The following CNGA1 variants were observed in gnomAD, a reference collection of about 807,000 sequenced individuals.
CNGA1 encodes cyclic nucleotide gated channel subunit alpha 1, also known as cyclic nucleotide-gated channel alpha-1.
CNGA1 carries 53 observed loss-of-function variants against 69.7 expected under a neutral mutation model. The observed-to-expected ratio is 0.76, with a 90% CI of 0.61 to 0.96. The LOEUF is 0.96. Ranked by LOEUF, CNGA1 falls within the 40% of genes least tolerant of loss-of-function variation. The pLI, the probability that CNGA1 is intolerant of heterozygous loss-of-function variation, is 0.00. For synonymous variants in CNGA1, 249 were observed against 283.5 expected, an observed-to-expected ratio of 0.88 and a Z score of 1.22; for missense variants, 739 against 811.2, an observed-to-expected ratio of 0.91 and a Z score of 1.08.
At chr4:47,988,034 G>A (rs974228825) in intron 2 of CNGA1, among the ~76,000 whole-genome samples, 2 of 152,214 alleles carry the variant, frequency 1.3e-5, no homozygotes, top group African/African-American at 2.4e-5. Context: ...AATTCATTCA[G>A]TGAGAGGTGA....
At chr4:47,943,835 G>A (rs1042473169) in intron 6 of CNGA1, among the ~76,000 whole-genome samples, 1 of 152,092 alleles carries the variant, frequency 6.6e-6, no homozygotes, top group Non-Finnish European at 1.5e-5. Context: ...TCTTTAGAGG[G>A]GATAACCCTG....
At chr4:47,966,094 G>A (rs1410493579) in intron 3 of CNGA1, among the ~76,000 whole-genome samples, 1 of 152,126 alleles carries the variant, frequency 6.6e-6, no homozygotes, top group Non-Finnish European at 1.5e-5. Flanking sequence ...ATATAACAAA[G>A]TACACAAAAA....
intron 3 of CNGA1, among the ~76,000 whole-genome samples, chr4:47,953,153 T>A (rs1172043476): frequency 2.6e-5 from 4 of 152,172 alleles, no homozygotes; most frequent in Non-Finnish European, 1.5e-5. Flanking sequence ...AACCCTACCA[T>A]TTTTCTAAGA....
intron 2 of CNGA1, among the ~76,000 whole-genome samples, chr4:47,995,793 AG>A (rs571683864): frequency 2.0e-4 from 31 of 152,150 alleles, no homozygotes; most frequent in Non-Finnish European, 3.8e-4. Context: ...GGAAAGGTCT[AG>A]GGCTGAAGGC....
rs1381823986 is a variant in CNGA1 at position 47,937,238 on chromosome 4, T to G, written c.1244A>C (p.Gln415Pro). The stretch of plus-strand genomic sequence containing the variant: ...GCTTACATTTCGAAAATGCATATAT[T>G]GCTTGATAGCATCAATTCTTGCTTG... ...EFQARIDAIK[Q>P]YMHFRNVSKD... Residue 415 changes from glutamine to proline, a missense_variant, in exon 11 of 11, where the codon CAA becomes CCA. Physicochemically the swap from Gln to Pro is moderately conservative, Grantham distance 76 (BLOSUM62 -1). Coordinates refer to ENST00000514170, the MANE Select transcript of CNGA1 (RefSeq NM_001379270.1). 8 of 1,614,068 alleles carry G rather than the reference T, an allele frequency of 5.0e-6. No individual in the cohort carries two copies. Among genetic ancestry groups the G allele is most frequent in the Non-Finnish European group, 6.8e-6 (8 of 1,180,046 alleles).
chr4:47,967,542 C>A (rs1224784088), intron 3 of CNGA1, among the ~76,000 whole-genome samples: 1 of 151,740 alleles, frequency 6.6e-6, no homozygotes, highest in Non-Finnish European at 1.5e-5. Flanking sequence ...ATGTAGTCAA[C>A]CATAAAATAA....
intron 3 of CNGA1, among the ~76,000 whole-genome samples, chr4:47,970,224 T>C (rs953054555): frequency 6.6e-6 from 1 of 152,154 alleles, no homozygotes; most frequent in African/African-American, 2.4e-5. Context: ...GGGGGAGTTA[T>C]GCAGAATAAC....
In CNGA1 at chr4:47,942,058, C is replaced by G. The variant is rs758115366; in HGVS notation, c.528G>C (p.Trp176Cys). The G allele has an allele frequency of 1.2e-5, 20 of 1,608,532 alleles. No individual in the cohort carries two copies. In the South Asian group the frequency reaches 2.0e-4, roughly 16 times the overall value. ...FCITLPVMYN[W>C]TMVIARACFD... ...ATAGACACCTGGCAATAACCATTGT[C>G]CAGTTGTACATAACAGGTAATGTGA... The change falls in exon 9 of 11, where the codon TGG (tryptophan) becomes TGC (cysteine). Residue 176 changes from tryptophan to cysteine, a missense_variant. By Grantham distance (215) the Trp-to-Cys change is radical. Transcript: ENST00000514170.
chr4:47,938,176 AAAAAAAAAAAG>A (rs1393566508), intron 10 of CNGA1, among the ~76,000 whole-genome samples: 1,332 of 127,644 alleles, frequency 0.01, 18 homozygotes, highest in African/African-American at 0.037. Flanking sequence ...CCTGTCTCAA[AAAAAAAAAAAG>A]AAAAAAAAAG....
At chr4:47,968,873 C>T (rs1740866972) in intron 3 of CNGA1, among the ~76,000 whole-genome samples, 1 of 152,030 alleles carries the variant, frequency 6.6e-6, no homozygotes, top group Non-Finnish European at 1.5e-5. Flanking sequence ...CTATGGAATT[C>T]CTGTGGAAGC....
chr4:48,013,703 G>T (rs545527659), intron 1 of CNGA1, among the ~76,000 whole-genome samples: 10 of 152,264 alleles, frequency 6.6e-5, no homozygotes, highest in Non-Finnish European at 1.5e-4. Context: ...TGATTTGGGG[G>T]CTCCACTATT....
chr4:47,944,395 G>T (rs1201782677), intron 6 of CNGA1, among the ~76,000 whole-genome samples: 1 of 152,190 alleles, frequency 6.6e-6, no homozygotes, highest in Admixed American at 6.5e-5. Context: ...AATAAAGTTG[G>T]ATAAGGAAGA....
Position 47,952,728 on chromosome 4 carries a change from T to C in CNGA1, c.-14-25A>G, listed in dbSNP as rs761877775. ...TCTGAGGAGAAAGAAGTCTTATTAG[T>C]GGAAAGGCTATTTTTATATATTTAC... On this transcript the variant is annotated intron_variant, in intron 3 of 10. Coordinates refer to ENST00000514170, the MANE Select transcript of CNGA1 (RefSeq NM_001379270.1). 4 of 1,526,912 alleles carry C rather than the reference T, an allele frequency of 2.6e-6. No homozygotes were observed. In the Admixed American group the frequency reaches 7.6e-5, roughly 29 times the overall value. The allele number at this position is 1,526,912 out of a possible 1,614,324, so 94.6% of individuals were successfully genotyped here. A position where few individuals can be genotyped will look rare whatever the true frequency, so the allele number is the denominator to read the frequency against.
At chr4:48,011,387 GCACACATGCA>G (rs905862331) in intron 1 of CNGA1, among the ~76,000 whole-genome samples, 8 of 143,218 alleles carry the variant, frequency 5.6e-5, no homozygotes, top group South Asian at 2.3e-4. Context: ...ATACACACAT[GCACACATGCA>G]CACACATGCA....
Position 47,941,255 on chromosome 4 carries a change from T to G in CNGA1, c.546-386A>C, listed in dbSNP as rs549861159. On this transcript the variant is annotated intron_variant, in intron 9 of 10. Coordinates refer to ENST00000514170, the MANE Select transcript of CNGA1 (RefSeq NM_001379270.1). ...TCTAAATACCCTGACTTAATCACAC[T>G]ATATGCATTATATACAAGTAACAAA... is the stretch of plus-strand genomic sequence containing the variant. Among the ~76,000 whole-genome samples the G allele has an allele frequency of 5.3e-5, 8 of 152,336 alleles. No homozygotes were observed. The East Asian group carries it at 1.5e-3, about 29-fold the overall frequency.
rs763233407 is a variant in CNGA1 at position 47,936,924 on chromosome 4, G to C, written c.1558C>G (p.Leu520Val). The change falls in exon 11 of 11, where the codon CTC becomes GTC. Residue 520 changes from leucine to valine, a missense_variant. Coordinates refer to ENST00000514170, the MANE Select transcript of CNGA1 (RefSeq NM_001379270.1). ...ACTCCATCATCTGCCACCACAGCGA[G>C]TTTGCCTTCCTTGATAATGTACATC... ...REMYIIKEGK[L>V]AVVADDGVTQ... 1 of 1,614,068 alleles carries C rather than the reference G, an allele frequency of 6.2e-7. No individual in the cohort carries two copies. Among genetic ancestry groups the C allele is most frequent in the South Asian group, 1.1e-5 (1 of 91,074 alleles).
At chr4:47,981,790 T>A (rs1741726692) in intron 2 of CNGA1, among the ~76,000 whole-genome samples, 1 of 152,232 alleles carries the variant, frequency 6.6e-6, no homozygotes, top group Admixed American at 6.5e-5. Context: ...CCACATGTAC[T>A]ATTGCCTGAT....
intron 1 of CNGA1, among the ~76,000 whole-genome samples, chr4:48,014,502 T>C (rs553290430): frequency 6.6e-6 from 1 of 152,324 alleles, no homozygotes; most frequent in Non-Finnish European, 1.5e-5. Flanking sequence ...GATACATTTT[T>C]TAAAGTCTGT....
intron 3 of CNGA1, among the ~76,000 whole-genome samples, chr4:47,961,202 T>G (rs1171058180): frequency 6.6e-6 from 1 of 152,246 alleles, no homozygotes; most frequent in Non-Finnish European, 1.5e-5. Flanking sequence ...GAAAATGGAC[T>G]AAGATACATT....
Sources: gnomAD v4.1 joint callset for allele counts (sites outside exome capture counted in the v4.1 genomes callset) on GRCh38, gnomAD v4.1.1 for gene constraint, MANE v1.5 for transcripts, NCBI Gene and HGNC (gene_info 2026-07-23, HGNC 2026-07-21) for gene names.